Variants in MYO10 observed in about 807,000 individuals in gnomAD.
MYO10 encodes the protein unconventional myosin-X.
Under a neutral mutation model 257.3 loss-of-function variants are expected in MYO10, and 133 were observed. That is an observed-to-expected ratio of 0.52 (90% confidence interval 0.45 to 0.60). MYO10 has a LOEUF of 0.60. Among genes scored for constraint, MYO10 ranks in the 20% least tolerant of loss-of-function variants. The pLI is 0.00. For missense variants in MYO10, 2,399 were observed against 2,635.7 expected (o/e 0.91, Z 1.97); for synonymous variants, 1,104 against 1,028.6 (o/e 1.07, Z -1.40).
At chr5:16,804,420 G>C (rs1035895227) in intron 3 of MYO10, among the ~76,000 whole-genome samples, 2 of 152,162 alleles carry the variant, frequency 1.3e-5, no homozygotes, top group Non-Finnish European at 2.9e-5. Context: ...CAAAGGGAGT[G>C]GGGGAAGGGC....
chr5:16,747,918 CAAAAAAAAAA>C (rs777257950), intron 19 of MYO10, among the ~76,000 whole-genome samples: 83 of 30,508 alleles, frequency 2.7e-3, no homozygotes, highest in Non-Finnish European at 0.016. Context: ...AACTCCGTCT[CAAAAAAAAAA>C]AAAAAAAAAA....
intron 1 of MYO10, among the ~76,000 whole-genome samples, chr5:16,909,136 G>A (rs1745589605): frequency 6.6e-6 from 1 of 152,178 alleles, no homozygotes; most frequent in South Asian, 2.1e-4. Context: ...AATCACGGCA[G>A]AAGGTGAAGG....
chr5:16,696,831 G>A (rs1201819556), intron 26 of MYO10, among the ~76,000 whole-genome samples: 1 of 148,462 alleles, frequency 6.7e-6, no homozygotes. Flanking sequence ...ACTCCAGCCT[G>A]GGTGACAGAG....
chr5:16,921,127 C>G (rs375463463), intron 1 of MYO10, among the ~76,000 whole-genome samples: 1 of 90,994 alleles, frequency 1.1e-5, no homozygotes, highest in Middle Eastern at 5.1e-3. Flanking sequence ...CAAAAAATAA[C>G]ATAAGATAAA....
intron 2 of MYO10, among the ~76,000 whole-genome samples, chr5:16,826,080 G>A (rs925576027): frequency 6.6e-6 from 1 of 152,038 alleles, no homozygotes; most frequent in South Asian, 2.1e-4. Context: ...CCCGGGAGGC[G>A]GAGGTTACAG....
At chr5:16,921,072 C>T (rs1278585895) in intron 1 of MYO10, among the ~76,000 whole-genome samples, 1 of 151,604 alleles carries the variant, frequency 6.6e-6, no homozygotes, top group African/African-American at 2.4e-5. Flanking sequence ...GAGCCAAGAT[C>T]GCACCACTGC....
Position 16,818,027 on chromosome 5 carries a change from A to T in MYO10, c.261T>A (p.Tyr87Ter). The T allele has an allele frequency of 6.3e-7, 1 of 1,588,232 alleles. No individual in the cohort carries two copies. The highest frequency in any genetic ancestry group is 8.6e-7 in the Non-Finnish European group (1 of 1,164,100). The change falls in exon 3 of 41, where the codon TAT becomes TAA. Residue 87 changes from tyrosine (Y) to a stop codon, truncating the protein, a stop_gained. Coordinates refer to ENST00000513610, the MANE Select transcript of MYO10 (RefSeq NM_012334.3). LOFTEE classifies it high-confidence loss of function. ...AACTTACATATATTTGATTTCTCTT[A>T]TACCGCTGGAATAAGTTATACATGA... ...GSIMYNLFQR[Y>*]KRNQIYTYIG...
intron 10 of MYO10, among the ~76,000 whole-genome samples, chr5:16,767,753 C>T (rs1388240143): frequency 2.6e-5 from 4 of 152,110 alleles, no homozygotes; most frequent in South Asian, 2.1e-4. Flanking sequence ...TCTTGGCTCA[C>T]TGCAACCTCC....
intron 19 of MYO10, among the ~76,000 whole-genome samples, chr5:16,725,351 C>T (rs995693651): frequency 2.6e-5 from 4 of 152,028 alleles, no homozygotes; most frequent in African/African-American, 9.7e-5. Context: ...GCCTCGCCCT[C>T]CCAAAATGCT....
At chr5:16,871,866 CAT>C (rs1166256380) in intron 2 of MYO10, among the ~76,000 whole-genome samples, 1 of 152,304 alleles carries the variant, frequency 6.6e-6, no homozygotes, top group South Asian at 2.1e-4. Context: ...GCAATTCCTA[CAT>C]GAGTCACCAA....
chr5:16,674,013 A>C (rs1456688371), intron 35 of MYO10, 124 bp from the exon 36 acceptor site: 1 of 773,802 alleles, frequency 1.3e-6, no homozygotes, highest in African/African-American at 1.7e-5. Flanking sequence ...GAATGGAGCA[A>C]GCACCAGTGA....
chr5:16,716,842 T>A (rs1381874366), intron 19 of MYO10, among the ~76,000 whole-genome samples: 1 of 152,102 alleles, frequency 6.6e-6, no homozygotes, highest in Non-Finnish European at 1.5e-5. Context: ...TTATTTTTTT[T>A]ATTTTTTTGA....
intron 2 of MYO10, among the ~76,000 whole-genome samples, chr5:16,865,345 A>G (rs961556308): frequency 2.0e-5 from 3 of 152,180 alleles, no homozygotes; most frequent in African/African-American, 7.2e-5. Context: ...GCCAGGGCTC[A>G]GCGGTCTGGC....
At chr5:16,893,102 CAGG>C (rs1290712427) in intron 1 of MYO10, among the ~76,000 whole-genome samples, 1 of 143,448 alleles carries the variant, frequency 7.0e-6, no homozygotes, top group African/African-American at 2.6e-5. Flanking sequence ...GAGGCTGAGG[CAGG>C]AGAATGGCTT....
chr5:16,670,826 C>T lies in MYO10; in HGVS notation c.5583G>A (p.Lys1861=). ...LEEVYSLQRL[K]ARISQSTKTF... ...TTTTGGTTGACTGGCTGATGCGGGC[C>T]TTGAGTCTCTGCAGGGAATAAACCT... The change falls in exon 39 of 41, where the codon AAG becomes AAA. Residue 1861 remains lysine (K), a synonymous_variant. Transcript: ENST00000513610. The T allele has an allele frequency of 1.2e-6, 2 of 1,614,010 alleles. No individual in the cohort carries two copies. Among genetic ancestry groups the T allele is most frequent in the Non-Finnish European group, 1.7e-6 (2 of 1,179,894 alleles).
intron 2 of MYO10, among the ~76,000 whole-genome samples, chr5:16,818,402 G>A (rs1462946021): frequency 0.13 from 15,304 of 116,064 alleles, 986 homozygotes; most frequent in South Asian, 0.3. Context: ...GTGTGTGTGT[G>A]TGTGTGTGTA....
At chr5:16,875,700 A>G (rs1662228005) in intron 2 of MYO10, among the ~76,000 whole-genome samples, 1 of 152,214 alleles carries the variant, frequency 6.6e-6, no homozygotes, top group African/African-American at 2.4e-5. Context: ...AAGAACTAAG[A>G]ATGGTTCCAC....
chr5:16,870,844 A>G (rs979586221), intron 2 of MYO10, among the ~76,000 whole-genome samples: 4 of 152,198 alleles, frequency 2.6e-5, no homozygotes, highest in Admixed American at 6.5e-5. Context: ...GTAAGCCGAG[A>G]TCGCGCCATT....
At chr5:16,720,011 T>C (rs1303543468) in intron 19 of MYO10, among the ~76,000 whole-genome samples, 1 of 150,184 alleles carries the variant, frequency 6.7e-6, no homozygotes, top group Admixed American at 6.6e-5. Context: ...TGTGTGTGTG[T>C]GTGTGTGTGT....
Sources: gnomAD v4.1 joint callset for allele counts (sites outside exome capture counted in the v4.1 genomes callset) on GRCh38, gnomAD v4.1.1 for gene constraint, MANE v1.5 for transcripts, NCBI Gene and HGNC (gene_info 2026-07-23, HGNC 2026-07-21) for gene names.